Variants in CSMD1 observed in about 807,000 individuals in gnomAD.
CSMD1 encodes CUB and Sushi multiple domains 1, also known as CUB and sushi domain-containing protein 1.
In CSMD1, 213 loss-of-function variants were observed where a neutral mutation model predicts 417.5. The ratio of observed to expected loss-of-function variants is 0.51; its 90% CI spans 0.46 to 0.57. The LOEUF is 0.57. Ranked by LOEUF, CSMD1 falls within the 20% of genes least tolerant of loss-of-function variation. The pLI, the probability that CSMD1 is intolerant of heterozygous loss-of-function variation, is 0.00. For synonymous variants in CSMD1, 2,862 were observed against 1,736.8 expected, an observed-to-expected ratio of 1.65 and a Z score of -16.11; for missense variants, 6,923 against 4,529.7, an observed-to-expected ratio of 1.53 and a Z score of -15.17.
intron 52 of CSMD1, among the ~76,000 whole-genome samples, chr8:3,008,477 C>G (rs879463981): frequency 6.6e-6 from 1 of 152,204 alleles, no homozygotes; most frequent in Non-Finnish European, 1.5e-5. Flanking sequence ...TTCTAGAGTT[C>G]CATGTAAATT....
At chr8:3,981,418 A>C (rs2554721) in intron 5 of CSMD1, among the ~76,000 whole-genome samples, 40,666 of 150,278 alleles carry the variant, frequency 0.27, 5,586 homozygotes, top group African/African-American at 0.29. Flanking sequence ...TGATGGGTGC[A>C]CCAGGATCTC....
chr8:4,551,598 G>T (rs925729304), intron 2 of CSMD1, among the ~76,000 whole-genome samples: 1 of 152,104 alleles, frequency 6.6e-6, no homozygotes, highest in Non-Finnish European at 1.5e-5. Context: ...CACTCAAGAT[G>T]CTGCCATCAA....
chr8:3,719,888 T>G (rs1243321942), intron 6 of CSMD1, among the ~76,000 whole-genome samples: 1 of 152,156 alleles, frequency 6.6e-6, no homozygotes, highest in Non-Finnish European at 1.5e-5. Context: ...TGGAACTCAT[T>G]AGAGATGTCA....
intron 3 of CSMD1, among the ~76,000 whole-genome samples, chr8:4,059,127 G>T (rs1023407468): frequency 2.6e-5 from 4 of 152,164 alleles, no homozygotes; most frequent in Non-Finnish European, 4.4e-5. Flanking sequence ...TAGAACTCAG[G>T]ATTAAGAAAC....
chr8:4,377,903 T>C (rs904177084), intron 3 of CSMD1, among the ~76,000 whole-genome samples: 1 of 152,220 alleles, frequency 6.6e-6, no homozygotes, highest in African/African-American at 2.4e-5. Context: ...GATTACTTTG[T>C]ATAGTACTTA....
At chr8:4,202,233 T>C (rs1201419843) in intron 3 of CSMD1, among the ~76,000 whole-genome samples, 2 of 152,238 alleles carry the variant, frequency 1.3e-5, no homozygotes, top group Non-Finnish European at 2.9e-5. Flanking sequence ...TGATGAATTA[T>C]GCCTTATCTT....
chr8:4,031,674 CAT>C (rs141527888), intron 4 of CSMD1, among the ~76,000 whole-genome samples: 18 of 152,252 alleles, frequency 1.2e-4, no homozygotes, highest in Admixed American at 7.8e-4. Flanking sequence ...TTACTTATCA[CAT>C]GTTATTACTT....
intron 57 of CSMD1, among the ~76,000 whole-genome samples, chr8:2,972,681 G>C (rs890534173): frequency 6.6e-6 from 1 of 152,144 alleles, no homozygotes; most frequent in Non-Finnish European, 1.5e-5. Flanking sequence ...CTGTGAAATA[G>C]AGTGCTCCAC....
intron 25 of CSMD1, among the ~76,000 whole-genome samples, chr8:3,305,163 G>A (rs1055539983): frequency 3.9e-5 from 6 of 152,130 alleles, no homozygotes; most frequent in East Asian, 1.9e-4. Context: ...GGGATGACAG[G>A]TGTGAGCCGC....
At chr8:4,663,558 G>A (rs899456323) in intron 1 of CSMD1, among the ~76,000 whole-genome samples, 1 of 152,114 alleles carries the variant, frequency 6.6e-6, no homozygotes, top group Admixed American at 6.5e-5. Context: ...AGACCTGGCT[G>A]TTGAAAAGTG....
At chr8:4,928,381 G>C (rs1037358002) in intron 1 of CSMD1, among the ~76,000 whole-genome samples, 1 of 152,126 alleles carries the variant, frequency 6.6e-6, no homozygotes, top group African/African-American at 2.4e-5. Context: ...TATCTTCTCT[G>C]ACTATGCAAG....
At chr8:3,249,248 GACT>G (rs1350305974) in intron 26 of CSMD1, among the ~76,000 whole-genome samples, 7 of 152,034 alleles carry the variant, frequency 4.6e-5, no homozygotes, top group South Asian at 2.1e-4. Flanking sequence ...TTGAGATAGA[GACT>G]CACTCTGTTG....
intron 3 of CSMD1, among the ~76,000 whole-genome samples, chr8:4,071,145 G>A (rs749265000): frequency 6.6e-6 from 1 of 151,782 alleles, no homozygotes; most frequent in Non-Finnish European, 1.5e-5. Flanking sequence ...CAAATTTGGA[G>A]AATGTCATCC....
intron 1 of CSMD1, among the ~76,000 whole-genome samples, chr8:4,911,535 T>C (rs1008789683): frequency 6.6e-6 from 1 of 152,190 alleles, no homozygotes; most frequent in Non-Finnish European, 1.5e-5. Context: ...TAATCCCAAG[T>C]CAGGGCCAAA....
intron 18 of CSMD1, among the ~76,000 whole-genome samples, chr8:3,371,496 G>A (rs562460049): frequency 6.8e-6 from 1 of 146,756 alleles, no homozygotes; most frequent in African/African-American, 2.6e-5. Context: ...TTTTTAACAT[G>A]CCCACATTCT....
intron 3 of CSMD1, among the ~76,000 whole-genome samples, chr8:4,413,781 G>A (rs187150372): frequency 2.1e-4 from 31 of 150,340 alleles, no homozygotes; most frequent in Admixed American, 4.1e-4. Flanking sequence ...GAGAGATTTC[G>A]GTAGCTTCTG....
intron 26 of CSMD1, among the ~76,000 whole-genome samples, chr8:3,240,346 G>C (rs1054451333): frequency 6.6e-6 from 1 of 152,124 alleles, no homozygotes; most frequent in Non-Finnish European, 1.5e-5. Context: ...TTCCTTTTGT[G>C]AGTTTATATA....
intron 3 of CSMD1, among the ~76,000 whole-genome samples, chr8:4,113,528 C>T (rs1345600203): frequency 2.0e-5 from 3 of 151,412 alleles, no homozygotes; most frequent in East Asian, 2.0e-4. Context: ...CCTCTGCCTC[C>T]TGAGTAGCTG....
At chr8:3,807,804 C>T (rs78460348) in intron 5 of CSMD1, among the ~76,000 whole-genome samples, 1 of 152,116 alleles carries the variant, frequency 6.6e-6, no homozygotes, top group Non-Finnish European at 1.5e-5. Context: ...CAGGCAGATG[C>T]ACAGACCCTC....
Sources: allele counts gnomAD v4.1 joint callset (sites outside exome capture counted in the v4.1 genomes callset), GRCh38; gene constraint gnomAD v4.1.1; transcripts MANE v1.5; gene names NCBI Gene and HGNC (gene_info 2026-07-23, HGNC 2026-07-21).